RELN: variants seen among roughly 807,000 people sequenced by gnomAD.
RELN encodes the protein reelin.
A neutral mutation model predicts 427.6 loss-of-function variants in RELN; 108 were observed. The observed-to-expected ratio is 0.25, with a 90% CI of 0.22 to 0.30. The LOEUF (loss-of-function observed/expected upper bound fraction) is 0.30. Ranked by LOEUF, RELN falls within the 10% of genes least tolerant of loss-of-function variation. RELN has a pLI of 1.00. For synonymous variants in RELN, 1,524 were observed against 1,513.4 expected (o/e 1.01, Z -0.16); for missense variants, 3,715 against 4,302.8 (o/e 0.86, Z 3.82).
chr7:103,883,260 C>G lies in RELN; in HGVS notation c.337+33815G>C, dbSNP rs146510814. On this transcript the variant is annotated intron_variant, in intron 2 of 64. Transcript: ENST00000428762. ...ACCCCTTAATGCTAAAAACACTCAA[C>G]TGGGTATTGATGGAACATATCTCAA... Among the ~76,000 whole-genome samples the G allele has an allele frequency of 2.4e-3, 364 of 151,440 alleles. 1 individual carries two copies. The highest frequency in any genetic ancestry group is 8.5e-3 in the African/African-American group (353 of 41,446).
At chr7:103,646,048 A>T (rs1306497004) in intron 16 of RELN, among the ~76,000 whole-genome samples, 1 of 151,950 alleles carries the variant, frequency 6.6e-6, no homozygotes, top group Non-Finnish European at 1.5e-5. Context: ...GTTAATGACA[A>T]AATGAACACA....
At chr7:103,704,559 TC>T (rs990973677) in intron 8 of RELN, among the ~76,000 whole-genome samples, 6 of 152,192 alleles carry the variant, frequency 3.9e-5, no homozygotes, top group African/African-American at 1.2e-4. Context: ...AGATCCCACC[TC>T]CCCTTGCTTC....
chr7:103,651,695 G>A lies in RELN; in HGVS notation c.1858C>T (p.His620Tyr). 1 of 1,611,680 alleles carries A rather than the reference G, an allele frequency of 6.2e-7. No individual in the cohort carries two copies. The highest frequency in any genetic ancestry group is 8.5e-7 in the Non-Finnish European group (1 of 1,178,368). ...PEICAGPHLP[H>Y]STVYSSENYS... The stretch of plus-strand genomic sequence containing the variant: ...TTTTCAGAGGAGTAGACAGTGCTGT[G>A]GGGGAGGTGGGGTCCAGCACAGATC... The change falls in exon 15 of 65, where the codon CAC becomes TAC. Residue 620 changes from histidine to tyrosine, a missense_variant. By Grantham distance (83) the His-to-Tyr change is moderately conservative (BLOSUM62 2). This residue lies in a region of RELN where 2,208 missense variants were observed against 2,361.7 expected (regional missense o/e 0.93). Transcript: ENST00000428762.
chr7:103,681,983 G>T, intron 11 of RELN, 133 bp downstream of exon 11: 2 of 887,690 alleles, frequency 2.3e-6, no homozygotes, highest in South Asian at 1.4e-5. Flanking sequence ...CACCCCTTTT[G>T]GCTTGTCTAC....
chr7:103,506,996 A>G lies in RELN; in HGVS notation c.8275-3766T>C, dbSNP rs188995083. 3.8e-3 allele frequency among the ~76,000 whole-genome samples: 585 copies of G among 152,352 alleles called. 14 individuals are homozygous for G. The highest frequency in any genetic ancestry group is 0.037 in the Admixed American group (570 of 15,306). On this transcript the variant is annotated intron_variant, in intron 51 of 64. Transcript: ENST00000428762. The stretch of plus-strand genomic sequence containing the variant: ...ACAAGAAGAGCTAGCTGTTCTAAAT[A>G]TATATGCACCCAATACAGAGGACCC...
At chr7:103,532,093 T>G (rs1238893237) in intron 46 of RELN, among the ~76,000 whole-genome samples, 1 of 151,624 alleles carries the variant, frequency 6.6e-6, no homozygotes, top group African/African-American at 2.4e-5. Context: ...ATATACACCA[T>G]GGAATACTAT....
chr7:103,867,023 T>A (rs979285845), intron 2 of RELN, among the ~76,000 whole-genome samples: 3 of 152,094 alleles, frequency 2.0e-5, no homozygotes, highest in African/African-American at 7.2e-5. Flanking sequence ...CTGTACTGTT[T>A]AAAATTAAGT....
chr7:103,985,790 T>C (rs922831393), intron 1 of RELN, among the ~76,000 whole-genome samples: 3 of 152,118 alleles, frequency 2.0e-5, no homozygotes, highest in African/African-American at 7.2e-5. Context: ...GGAACGACCA[T>C]GGGTGAGGAA....
At chr7:103,977,376 A>G (rs1323904559) in intron 1 of RELN, among the ~76,000 whole-genome samples, 2 of 151,504 alleles carry the variant, frequency 1.3e-5, no homozygotes, top group East Asian at 3.9e-4. Context: ...AGCAGATACA[A>G]TCCCGGAGTA....
chr7:103,710,562 C>G (rs1789768719), intron 8 of RELN, among the ~76,000 whole-genome samples: 1 of 152,080 alleles, frequency 6.6e-6, no homozygotes, highest in Non-Finnish European at 1.5e-5. Context: ...TTGAAATGTC[C>G]TCAAATATAA....
intron 1 of RELN, among the ~76,000 whole-genome samples, chr7:103,962,536 CAGT>C: frequency 6.6e-6 from 1 of 151,860 alleles, no homozygotes; most frequent in Non-Finnish European, 1.5e-5. Context: ...GGCACCTCAC[CAGT>C]AGATTTCAGC....
intron 11 of RELN, among the ~76,000 whole-genome samples, chr7:103,672,422 C>G (rs971369721): frequency 1.3e-5 from 2 of 152,084 alleles, no homozygotes; most frequent in Admixed American, 1.3e-4. Flanking sequence ...CAGAACAACT[C>G]CGGCATAGAG....
intron 2 of RELN, among the ~76,000 whole-genome samples, chr7:103,877,619 C>A (rs1387105675): frequency 1.3e-5 from 2 of 152,092 alleles, no homozygotes; most frequent in Admixed American, 1.3e-4. Context: ...AGTGCAAATT[C>A]ATCATACAAC....
chr7:103,585,435 A>T (rs1197318329), intron 28 of RELN, among the ~76,000 whole-genome samples: 1 of 152,202 alleles, frequency 6.6e-6, no homozygotes, highest in East Asian at 1.9e-4. Context: ...CTCTATGTAT[A>T]CAAACTAGAA....
Position 103,611,812 on chromosome 7 carries a change from G to A in RELN, c.2703-9C>T, listed in dbSNP as rs775212341. Reference sequence around the variant, plus strand: ...TAGAATCTCCTGTAAAACTGAAAGAGACAGAGATGGAAATCAGAAAATTCT... The same window carrying A: ...TAGAATCTCCTGTAAAACTGAAAGAAACAGAGATGGAAATCAGAAAATTCT... On this transcript the variant is annotated splice_polypyrimidine_tract_variant and intron_variant, in intron 20 of 64. Coordinates refer to ENST00000428762, the MANE Select transcript of RELN (RefSeq NM_005045.4). 1 of 1,609,816 alleles carries A rather than the reference G, an allele frequency of 6.2e-7. No individual in the cohort carries two copies. Among genetic ancestry groups the A allele is most frequent in the East Asian group, 2.2e-5 (1 of 44,776 alleles).
intron 25 of RELN, among the ~76,000 whole-genome samples, chr7:103,594,714 G>T (rs1831498679): frequency 6.6e-6 from 1 of 152,126 alleles, no homozygotes; most frequent in African/African-American, 2.4e-5. Flanking sequence ...GTATCTTTTG[G>T]AGAAGAGGGA....
At chr7:103,954,981 T>C (rs1296838868) in intron 1 of RELN, among the ~76,000 whole-genome samples, 2 of 152,244 alleles carry the variant, frequency 1.3e-5, no homozygotes, top group Non-Finnish European at 2.9e-5. Flanking sequence ...ACGGCCATCC[T>C]TGGCTTTAAA....
intron 16 of RELN, among the ~76,000 whole-genome samples, chr7:103,644,964 G>C (rs1245060904): frequency 6.6e-6 from 1 of 151,590 alleles, no homozygotes; most frequent in Non-Finnish European, 1.5e-5. Context: ...GAAGAGATTG[G>C]GATCCTATTT....
intron 1 of RELN, among the ~76,000 whole-genome samples, chr7:103,930,559 G>T (rs1795839330): frequency 6.6e-6 from 1 of 151,912 alleles, no homozygotes; most frequent in Non-Finnish European, 1.5e-5. Flanking sequence ...TCAAACTCCT[G>T]GGCCAAGTGA....
Sources: allele counts gnomAD v4.1 joint callset (sites outside exome capture counted in the v4.1 genomes callset), GRCh38; gene constraint gnomAD v4.1.1; regional missense constraint gnomAD v4.1.1; transcripts MANE v1.5; gene names NCBI Gene and HGNC (gene_info 2026-07-23, HGNC 2026-07-21).